ACAD11: variants seen among roughly 807,000 people sequenced by gnomAD.
ACAD11 encodes acyl-CoA dehydrogenase family member 11.
In ACAD11, 83 loss-of-function variants were observed where a neutral mutation model predicts 102.2. That is an observed-to-expected ratio of 0.81 (90% CI 0.68 to 0.97). ACAD11 has a LOEUF of 0.97. ACAD11 is among the 50% of genes least tolerant of loss of function. The pLI, the probability that ACAD11 is intolerant of heterozygous loss-of-function variation, is 0.00. For missense variants in ACAD11, 901 were observed against 951.7 expected, an observed-to-expected ratio of 0.95 and a Z score of 0.70; for synonymous variants, 324 against 319.8, an observed-to-expected ratio of 1.01 and a Z score of -0.14.
At chr3:132,658,192 G>C (rs1372428947) in intron 1 of ACAD11, among the ~76,000 whole-genome samples, 1 of 152,050 alleles carries the variant, frequency 6.6e-6, no homozygotes, top group Non-Finnish European at 1.5e-5. Context: ...TATAAAGATT[G>C]ATTCTTTTGA....
intron 1 of ACAD11, chr3:132,647,437 C>A (rs1481530354): frequency 6.6e-6 from 1 of 152,158 alleles, no homozygotes; most frequent in East Asian, 1.9e-4. Flanking sequence ...AATAGAAAAT[C>A]TTTGCATGTA....
At chr3:132,591,816 C>T (rs912886427) in intron 13 of ACAD11, among the ~76,000 whole-genome samples, 22 of 152,050 alleles carry the variant, frequency 1.4e-4, no homozygotes, top group African/African-American at 3.9e-4. Flanking sequence ...GCTTGAGCCC[C>T]GGGAAGTCAA....
intron 1 of ACAD11, among the ~76,000 whole-genome samples, chr3:132,645,417 C>T (rs1940680280): frequency 6.6e-6 from 1 of 152,078 alleles, no homozygotes; most frequent in Non-Finnish European, 1.5e-5. Flanking sequence ...AGCATCTGGC[C>T]CAGGGAAGTG....
intron 17 of ACAD11, among the ~76,000 whole-genome samples, chr3:132,575,001 A>AT (rs1015631718): frequency 2.7e-5 from 4 of 150,482 alleles, no homozygotes; most frequent in Admixed American, 6.6e-5. Flanking sequence ...TGCCTGGTTA[A>AT]TTTTTTTTGT....
chr3:132,617,061 C>G (rs369777977), intron 11 of ACAD11, among the ~76,000 whole-genome samples: 2 of 152,226 alleles, frequency 1.3e-5, no homozygotes, highest in African/African-American at 4.8e-5. Context: ...TTTGGTAGAG[C>G]TTTAGCACCA....
chr3:132,600,994 G>T, intron 13 of ACAD11: 1 of 1,613,352 alleles, frequency 6.2e-7, no homozygotes, highest in Non-Finnish European at 8.5e-7. Context: ...TGAAAGCATT[G>T]ATTCAAATGC....
At chr3:132,650,687 T>C (rs1215617948) in intron 1 of ACAD11, among the ~76,000 whole-genome samples, 1 of 151,972 alleles carries the variant, frequency 6.6e-6, no homozygotes, top group African/African-American at 2.4e-5. Flanking sequence ...AAACAGTGAG[T>C]CCAGACTACT....
At chr3:132,614,226 A>C (rs1939301855) in intron 11 of ACAD11, among the ~76,000 whole-genome samples, 1 of 152,220 alleles carries the variant, frequency 6.6e-6, no homozygotes, top group Admixed American at 6.5e-5. Context: ...AAGAATCAAT[A>C]TCATGAAAAT....
intron 13 of ACAD11, chr3:132,597,236 T>C (rs927821312): frequency 7.2e-5 from 11 of 152,070 alleles, no homozygotes; most frequent in African/African-American, 2.7e-4. Flanking sequence ...AAAGGCGGGG[T>C]GTAAAGTGAA....
At chr3:132,604,314 A>G (rs2107826758) in intron 12 of ACAD11, among the ~76,000 whole-genome samples, 1 of 152,314 alleles carries the variant, frequency 6.6e-6, no homozygotes, top group Admixed American at 6.5e-5. Context: ...CCTAATTTAG[A>G]GATTAAACTG....
chr3:132,659,435 A>C, intron 1 of ACAD11, 168 bp downstream of exon 1: 29 of 810,508 alleles, frequency 3.6e-5, no homozygotes, highest in Non-Finnish European at 4.7e-5. Context: ...AGCCCCCAGC[A>C]TCGAATTCGG....
At chr3:132,559,689 T>C in intron 19 of ACAD11, 144 bp downstream of exon 19, 4 of 621,090 alleles carry the variant, frequency 6.4e-6, no homozygotes, top group Non-Finnish European at 8.4e-6. Flanking sequence ...TTTCTTGGTG[T>C]TGAGCTCTAT....
At chr3:132,608,815 C>T (rs542047887) in intron 11 of ACAD11, among the ~76,000 whole-genome samples, 1 of 152,264 alleles carries the variant, frequency 6.6e-6, no homozygotes, top group South Asian at 2.1e-4. Flanking sequence ...ACAGACTCTC[C>T]ACCCCAAACT....
intron 13 of ACAD11, among the ~76,000 whole-genome samples, chr3:132,595,665 A>T (rs1938269523): frequency 6.6e-6 from 1 of 152,232 alleles, no homozygotes; most frequent in Non-Finnish European, 1.5e-5. Context: ...AAAAGAAGAC[A>T]TACATACCGC....
chr3:132,605,608 C>A (rs949037430), intron 11 of ACAD11, among the ~76,000 whole-genome samples: 1 of 152,174 alleles, frequency 6.6e-6, no homozygotes, highest in African/African-American at 2.4e-5. Context: ...GAGACTCCAG[C>A]CCTTAATTTT....
rs535842162 is a variant in ACAD11, at chr3:132,603,269, T to A, written c.1581A>T (p.Glu527Asp). 5.0e-6 allele frequency: 8 copies of A among 1,614,098 alleles called. No individual in the cohort carries two copies. The African/African-American group carries it at 1.1e-4, about 22-fold the overall frequency. ...TTTTGCCGTTAATTACATAGCTATC[T>A]TCATCTCGTTGGATGCTGCATTCAA... is the stretch of plus-strand genomic sequence containing the variant. Reference protein sequence around the residue: ...TNIECSIQRDEDSYVINGKKW... With the variant: ...TNIECSIQRDDDSYVINGKKW... The change falls in exon 13 of 20, where the codon GAA becomes GAT. Residue 527 changes from glutamate to aspartate, a missense_variant. Transcript: ENST00000264990.
chr3:132,582,182 A>G (rs1001086484), intron 13 of ACAD11, among the ~76,000 whole-genome samples: 7 of 152,000 alleles, frequency 4.6e-5, no homozygotes, highest in African/African-American at 1.7e-4. Context: ...AAATACGTTA[A>G]GAAAGAGCAG....
chr3:132,605,529 A>G (rs145528767), intron 11 of ACAD11, among the ~76,000 whole-genome samples: 61 of 152,354 alleles, frequency 4.0e-4, no homozygotes, highest in Non-Finnish European at 6.6e-4. Context: ...TGCCTGCTGT[A>G]TTGCAAATAT....
intron 12 of ACAD11, among the ~76,000 whole-genome samples, chr3:132,603,884 C>T (rs1938722224): frequency 6.6e-6 from 1 of 152,208 alleles, no homozygotes; most frequent in Non-Finnish European, 1.5e-5. Flanking sequence ...CTGTCTAGCT[C>T]TCAATCATAG....
Sources: gnomAD v4.1 joint callset for allele counts (sites outside exome capture counted in the v4.1 genomes callset) on GRCh38, gnomAD v4.1.1 for gene constraint, MANE v1.5 for transcripts, NCBI Gene and HGNC (gene_info 2026-07-23, HGNC 2026-07-21) for gene names.